The following AGBL4 variants were observed in gnomAD, a reference collection of about 807,000 sequenced individuals.
The protein encoded by AGBL4 is AGBL carboxypeptidase 4, also known as cytosolic carboxypeptidase 6.
AGBL4 carries 58 observed loss-of-function variants against 66.4 expected under a neutral mutation model. That is an observed-to-expected ratio of 0.87 (90% CI 0.71 to 1.09). The LOEUF (loss-of-function observed/expected upper bound fraction) is 1.09. AGBL4 is among the 50% of genes least tolerant of loss of function. AGBL4 has a pLI of 0.00. For missense variants in AGBL4, 579 were observed against 631.0 expected (o/e 0.92, Z 0.88); for synonymous variants, 234 against 222.9 (o/e 1.05, Z -0.44).
At chr1:49,797,644 T>C (rs546432965) in intron 2 of AGBL4, among the ~76,000 whole-genome samples, 1 of 152,168 alleles carries the variant, frequency 6.6e-6, no homozygotes, top group Non-Finnish European at 1.5e-5. Context: ...AGGGTCTCGC[T>C]ATGTTGCCTA....
At chr1:49,743,407 G>C (rs1650706942) in intron 2 of AGBL4, among the ~76,000 whole-genome samples, 1 of 152,128 alleles carries the variant, frequency 6.6e-6, no homozygotes, top group Non-Finnish European at 1.5e-5. Flanking sequence ...GAAACAACAG[G>C]TGCTGGAGAG....
intron 4 of AGBL4, among the ~76,000 whole-genome samples, chr1:49,236,173 G>C (rs1650725414): frequency 6.6e-6 from 1 of 151,950 alleles, no homozygotes; most frequent in African/African-American, 2.4e-5. Context: ...GGGATTATAG[G>C]TGCCCACCAC....
intron 2 of AGBL4, among the ~76,000 whole-genome samples, chr1:49,732,895 A>G (rs1649563245): frequency 6.6e-6 from 1 of 152,198 alleles, no homozygotes; most frequent in East Asian, 1.9e-4. Context: ...ACATGAATCT[A>G]CAGATCCAGG....
chr1:48,580,333 T>C (rs561612224), intron 11 of AGBL4, among the ~76,000 whole-genome samples: 1 of 152,330 alleles, frequency 6.6e-6, no homozygotes, highest in Admixed American at 6.5e-5. Flanking sequence ...ACCTTTCCTG[T>C]TCCTTTTCTC....
chr1:48,841,857 T>C (rs892170012), intron 6 of AGBL4, among the ~76,000 whole-genome samples: 1 of 152,184 alleles, frequency 6.6e-6, no homozygotes, highest in Non-Finnish European at 1.5e-5. Flanking sequence ...TCTTCCATAC[T>C]GTTCCATCAT....
intron 2 of AGBL4, among the ~76,000 whole-genome samples, chr1:49,732,458 G>C (rs1176728878): frequency 6.6e-6 from 1 of 152,164 alleles, no homozygotes; most frequent in Non-Finnish European, 1.5e-5. Context: ...TAAAATCTAT[G>C]AGTGTCTCAG....
intron 4 of AGBL4, among the ~76,000 whole-genome samples, chr1:49,056,786 G>A (rs1644316679): frequency 6.6e-6 from 1 of 152,136 alleles, no homozygotes; most frequent in South Asian, 2.1e-4. Flanking sequence ...TAAAAAGTGA[G>A]ATTTGGAATC....
intron 3 of AGBL4, among the ~76,000 whole-genome samples, chr1:49,665,237 G>C (rs1181540446): frequency 1.3e-5 from 2 of 152,084 alleles, no homozygotes; most frequent in East Asian, 1.9e-4. Flanking sequence ...AATAGACTTT[G>C]AATACAGTGA....
chr1:49,754,695 T>C (rs186859396), intron 2 of AGBL4, among the ~76,000 whole-genome samples: 17 of 152,348 alleles, frequency 1.1e-4, no homozygotes, highest in Admixed American at 9.8e-4. Flanking sequence ...GGAAGCAGCC[T>C]GTCCCTTAGC....
intron 3 of AGBL4, among the ~76,000 whole-genome samples, chr1:49,489,266 T>A (rs1647137328): frequency 6.6e-6 from 1 of 151,986 alleles, no homozygotes; most frequent in African/African-American, 2.4e-5. Context: ...CTGACTTGCA[T>A]TTCCCTAATG....
chr1:49,587,203 G>A (rs1482237965), intron 3 of AGBL4, among the ~76,000 whole-genome samples: 1 of 151,506 alleles, frequency 6.6e-6, no homozygotes, highest in Non-Finnish European at 1.5e-5. Context: ...CCGAGATTAT[G>A]CCATTGCACT....
At chr1:48,670,898 G>A (rs1333245337) in intron 6 of AGBL4, among the ~76,000 whole-genome samples, 3 of 152,244 alleles carry the variant, frequency 2.0e-5, no homozygotes, top group African/African-American at 7.2e-5. Flanking sequence ...TCTCGGGAAG[G>A]CTTGTGAGAG....
At chr1:48,855,989 G>C (rs1558042979) in intron 6 of AGBL4, among the ~76,000 whole-genome samples, 1 of 152,036 alleles carries the variant, frequency 6.6e-6, no homozygotes, top group Non-Finnish European at 1.5e-5. Context: ...AAATATTTCT[G>C]CTGTAATATT....
chr1:49,083,603 C>T (rs1050574570), intron 4 of AGBL4, among the ~76,000 whole-genome samples: 3 of 152,174 alleles, frequency 2.0e-5, no homozygotes, highest in African/African-American at 4.8e-5. Flanking sequence ...CCATTTTTTC[C>T]TTCTAGGTTC....
chr1:48,781,908 C>A lies in AGBL4; in HGVS notation c.634+85283G>T, dbSNP rs116530813. ...GGTTTCAGTGATGATAATTGTAATA[C>A]CTATTTTTTCTCTAAAGCTTATAAA... is the stretch of plus-strand genomic sequence containing the variant. On this transcript the variant is annotated intron_variant, in intron 6 of 13. Coordinates refer to ENST00000371839, the MANE Select transcript of AGBL4 (RefSeq NM_032785.4). Among the ~76,000 whole-genome samples the A allele has an allele frequency of 6.7e-3, 1,016 of 152,308 alleles. 12 individuals carry two copies. The highest frequency in any genetic ancestry group is 0.023 in the African/African-American group (976 of 41,568).
At chr1:49,496,079 G>A (rs372884877) in intron 3 of AGBL4, among the ~76,000 whole-genome samples, 19 of 152,158 alleles carry the variant, frequency 1.2e-4, no homozygotes, top group African/African-American at 4.6e-4. Flanking sequence ...GCAAGGCCAA[G>A]ACTCAGAAGA....
intron 2 of AGBL4, among the ~76,000 whole-genome samples, chr1:49,827,675 T>C (rs150711626): frequency 4.9e-4 from 74 of 152,326 alleles, no homozygotes; most frequent in African/African-American, 1.6e-3. Flanking sequence ...TTACAGTCAT[T>C]TGACATCCAA....
At chr1:49,224,453 T>C (rs1204075557) in intron 4 of AGBL4, among the ~76,000 whole-genome samples, 1 of 151,446 alleles carries the variant, frequency 6.6e-6, no homozygotes, top group African/African-American at 2.4e-5. Context: ...CCAACTCTAC[T>C]AAAAATACAA....
chr1:48,539,594 G>A lies in AGBL4; in HGVS notation c.1364+48C>T, dbSNP rs772031331. ...CTAAGGGAAGTTGCCCCTGAATACA[G>A]CCCGTGGAGCAGAACTCAAGCCGAA... On this transcript the variant is annotated intron_variant, in intron 12 of 13. Transcript: ENST00000371839. 8.5e-6 allele frequency: 12 copies of A among 1,408,858 alleles called. No individual in the cohort carries two copies. In the Admixed American group the frequency reaches 9.6e-5, roughly 11 times the overall value. 87.3% of individuals were successfully genotyped at this position (1,408,858 alleles called of 1,614,324 possible). A position where few individuals can be genotyped will look rare whatever the true frequency, so the allele number is the denominator to read the frequency against.
Sources: gnomAD v4.1 joint callset for allele counts (sites outside exome capture counted in the v4.1 genomes callset) on GRCh38, gnomAD v4.1.1 for gene constraint, MANE v1.5 for transcripts, NCBI Gene and HGNC (gene_info 2026-07-23, HGNC 2026-07-21) for gene names.